The following CHCHD10 variants were observed in gnomAD, a reference collection of about 807,000 sequenced individuals.
CHCHD10 encodes the protein coiled-coil-helix-coiled-coil-helix domain-containing protein 10, mitochondrial.
A neutral mutation model predicts 14.8 loss-of-function variants in CHCHD10; 10 were observed. The ratio of observed to expected loss-of-function variants is 0.67; its 90% CI spans 0.42 to 1.14. The LOEUF (loss-of-function observed/expected upper bound fraction) is 1.14, where lower values mean the gene tolerates loss of function less well. Among genes scored for constraint, CHCHD10 ranks in the 50% most tolerant of loss-of-function variants. CHCHD10 has a pLI of 0.00. For synonymous variants in CHCHD10, 90 were observed against 85.2 expected (o/e 1.06, Z -0.31); for missense variants, 203 against 196.9 (o/e 1.03, Z -0.19).
rs903114461 is a variant in CHCHD10 at position 23,767,951 on chromosome 22, T to A, written c.-77A>T. ...TCGCGGGGACAAATGCCGCAGCGCT[T>A]GTCACAGCCGGCGCAAAAAAGGCGG... is the stretch of plus-strand genomic sequence containing the variant. On this transcript the variant is annotated 5_prime_UTR_variant, in exon 1 of 4. Transcript: ENST00000484558. The A allele has an allele frequency of 6.4e-6, 8 of 1,258,666 alleles. No individual in the cohort carries two copies. The highest frequency in any genetic ancestry group is 1.8e-5 in the South Asian group (1 of 56,750). The allele number at this position is 1,258,666 out of a possible 1,614,324, so 78.0% of individuals were successfully genotyped here. A position where few individuals can be genotyped will look rare whatever the true frequency, so the allele number is the denominator to read the frequency against.
At chr22:23,766,090 C>T (rs907869801) in intron 3 of CHCHD10, 38 bp downstream of exon 3, 1 of 1,613,106 alleles carries the variant, frequency 6.2e-7, no homozygotes, top group Non-Finnish European at 8.5e-7. Context: ...GGGTTGGCCT[C>T]TCCCCCTCCC....
intron 1 of CHCHD10, 117 bp downstream of exon 1, chr22:23,767,717 C>T: frequency 1.9e-6 from 2 of 1,028,512 alleles, no homozygotes; most frequent in Non-Finnish European, 2.8e-6. Context: ...GCTGCACCCC[C>T]ACCCCTCCCC....
intron 2 of CHCHD10, among the ~76,000 whole-genome samples, 193 bp downstream of exon 2, chr22:23,767,181 C>G (rs978854190): frequency 6.6e-6 from 1 of 152,184 alleles, no homozygotes; most frequent in Non-Finnish European, 1.5e-5. Context: ...ACCCTGGCCT[C>G]AAGGGAGAGG....
intron 2 of CHCHD10, among the ~76,000 whole-genome samples, 162 bp downstream of exon 2, chr22:23,767,195 GGAAGCCTGCCTCTAAGT>G (rs1419343202): frequency 6.6e-6 from 1 of 152,202 alleles, no homozygotes; most frequent in Non-Finnish European, 1.5e-5. Flanking sequence ...GGAGAGGCCG[GGAAGCCTGCCTCTAAGT>G]GACAGTGAAC....
chr22:23,766,453 T>A, intron 2 of CHCHD10, 178 bp from the exon 3 acceptor site: 1 of 41,952 alleles, frequency 2.4e-5, no homozygotes, highest in Non-Finnish European at 5.8e-5. Flanking sequence ...TCTGCTGCCT[T>A]TTTTTTTTTT....
In CHCHD10 at chr22:23,765,956, C is replaced by A; in HGVS notation, c.*51G>T. 6.2e-7 allele frequency: 1 copy of A among 1,612,352 alleles called. No individual in the cohort carries two copies. Among genetic ancestry groups the A allele is most frequent in the South Asian group, 1.1e-5 (1 of 90,936 alleles). Reference sequence around the variant, plus strand: ...TCTGGTGTTGTGGTCTGGCTGTCGGCGAGGGGTAGAGGTGGGTGCAGGACT... The same window carrying A: ...TCTGGTGTTGTGGTCTGGCTGTCGGAGAGGGGTAGAGGTGGGTGCAGGACT... On this transcript the variant is annotated 3_prime_UTR_variant, in exon 4 of 4. Coordinates refer to ENST00000484558, the MANE Select transcript of CHCHD10 (RefSeq NM_213720.3).
intron 2 of CHCHD10, among the ~76,000 whole-genome samples, chr22:23,766,838 C>T (rs1926869184): frequency 6.6e-6 from 1 of 152,202 alleles, no homozygotes; most frequent in African/African-American, 2.4e-5. Flanking sequence ...CCTGTACTCT[C>T]AGAGTATGAG....
In CHCHD10 at chr22:23,767,718, A is replaced by G. The variant is rs558021937; in HGVS notation, c.41+116T>C. On this transcript the variant is annotated intron_variant, in intron 1 of 3. Transcript: ENST00000484558. ...CTCCACACGTGGGTGCTGCACCCCC[A>G]CCCCTCCCCCCGCCAAGATGGCGCA... 2.8e-5 allele frequency: 28 copies of G among 1,003,218 alleles called. No individual in the cohort carries two copies. The South Asian group carries it at 4.1e-4, about 15-fold the overall frequency. 62.1% of individuals were successfully genotyped at this position (1,003,218 alleles called of 1,614,324 possible). A position where few individuals can be genotyped will look rare whatever the true frequency, so the allele number is the denominator to read the frequency against.
At position 23,767,598 on chromosome 22, in the gene CHCHD10, G is replaced by C. The variant is rs868345557; in HGVS notation, c.42-5C>G. The C allele has an allele frequency of 6.1e-6, 7 of 1,154,092 alleles. No homozygotes were observed. In the Admixed American group the frequency reaches 2.0e-4, roughly 33 times the overall value. The allele number at this position is 1,154,092 out of a possible 1,614,324, so 71.5% of individuals were successfully genotyped here. A position where few individuals can be genotyped will look rare whatever the true frequency, so the allele number is the denominator to read the frequency against. On this transcript the variant is annotated splice_region_variant and splice_polypyrimidine_tract_variant and intron_variant, in intron 1 of 3. Transcript: ENST00000484558. ...GCAGAGGGCGCGGCTGGGCGGCTGC[G>C]GGGGTGGGAGGAAGCAGGGTTAATC...
rs1569149089 is a variant in CHCHD10, at chr22:23,765,983, GC to G, written c.*23del. ...AGGGGTAGAGGTGGGTGCAGGACTGGCCCCCGAGTCTGCACCGACCTCTTCA... is the reference window on the plus strand; with the variant it reads ...AGGGGTAGAGGTGGGTGCAGGACTGGCCCCGAGTCTGCACCGACCTCTTCA... On this transcript the variant is annotated 3_prime_UTR_variant, in exon 4 of 4. Transcript: ENST00000484558. 6.2e-7 allele frequency: 1 copy of G among 1,613,038 alleles called. No homozygotes were observed. The highest frequency in any genetic ancestry group is 8.5e-7 in the Non-Finnish European group (1 of 1,179,808).
chr22:23,767,912 C>A lies in CHCHD10; in HGVS notation c.-38G>T. 6.9e-7 allele frequency: 1 copy of A among 1,458,748 alleles called. No individual in the cohort carries two copies. Among genetic ancestry groups the A allele is most frequent in the Non-Finnish European group, 9.1e-7 (1 of 1,101,142 alleles). 90.4% of individuals were successfully genotyped at this position (1,458,748 alleles called of 1,614,324 possible). On this transcript the variant is annotated 5_prime_UTR_variant, in exon 1 of 4. Transcript: ENST00000484558. ...GGGACCCGGGCGACCTTAGAGACGGCGGCAGCGGTGCTGTCGCGGGGACAA... is the reference window on the plus strand; with the variant it reads ...GGGACCCGGGCGACCTTAGAGACGGAGGCAGCGGTGCTGTCGCGGGGACAA...
chr22:23,767,957 A>T lies in CHCHD10; in HGVS notation c.-83T>A, dbSNP rs146705072. The T allele has an allele frequency of 1.2e-5, 15 of 1,228,430 alleles. No homozygotes were observed. The highest frequency in any genetic ancestry group is 2.3e-4 in the Middle Eastern group (1 of 4,340). The allele number at this position is 1,228,430 out of a possible 1,614,324, so 76.1% of individuals were successfully genotyped here. On this transcript the variant is annotated 5_prime_UTR_variant, in exon 1 of 4. Transcript: ENST00000484558. ...GGACAAATGCCGCAGCGCTTGTCAC[A>T]GCCGGCGCAAAAAAGGCGGGGCCCC...
chr22:23,766,014 A>G lies in CHCHD10; in HGVS notation c.422T>C (p.Leu141Pro). The G allele has an allele frequency of 6.2e-7, 1 of 1,613,734 alleles. No homozygotes were observed. The highest frequency in any genetic ancestry group is 8.5e-7 in the Non-Finnish European group (1 of 1,179,862). Residue 141 changes from leucine (L) to proline (P), a missense_variant, in exon 4 of 4, where the codon CTG becomes CCG. Physicochemically the swap from Leu to Pro is moderately conservative, Grantham distance 98 (BLOSUM62 -3). Coordinates refer to ENST00000484558, the MANE Select transcript of CHCHD10 (RefSeq NM_213720.3). ...GAGTCTGCACCGACCTCTTCAGGGC[A>G]GGGAGCTCAGACCTGGGAAGGGAGG... ...QCKYYHGLSS[L>P]P
chr22:23,767,901 C>G lies in CHCHD10; in HGVS notation c.-27G>C, dbSNP rs780818006. ...GTGGCGGCGGTGGGACCCGGGCGAC[C>G]TTAGAGACGGCGGCAGCGGTGCTGT... On this transcript the variant is annotated 5_prime_UTR_variant, in exon 1 of 4. Coordinates refer to ENST00000484558, the MANE Select transcript of CHCHD10 (RefSeq NM_213720.3). 88 of 1,485,612 alleles carry G rather than the reference C, an allele frequency of 5.9e-5. No individual in the cohort carries two copies. The South Asian group carries it at 9.0e-4, about 15-fold the overall frequency. 92.0% of individuals were successfully genotyped at this position (1,485,612 alleles called of 1,614,324 possible). A position where few individuals can be genotyped will look rare whatever the true frequency, so the allele number is the denominator to read the frequency against.
chr22:23,766,975 G>C (rs1242670452), intron 2 of CHCHD10, among the ~76,000 whole-genome samples: 1 of 152,252 alleles, frequency 6.6e-6, no homozygotes, highest in Non-Finnish European at 1.5e-5. Context: ...GGTCATCAGG[G>C]AAGTGGCTCC....
At chr22:23,767,335 G>A (rs766034799) in intron 2 of CHCHD10, 39 bp downstream of exon 2, 12 of 1,556,664 alleles carry the variant, frequency 7.7e-6, no homozygotes, top group East Asian at 2.3e-5. Context: ...GTGGCCTCGA[G>A]ATAATCCTGC....
Position 23,765,837 on chromosome 22 carries a change from G to A in CHCHD10, c.*170C>T, listed in dbSNP as rs1926721714. ...TCGAGAGAGGCACACAACAGGCTGTGGTCTAAAATAAACTTTTAATTGCAC... is the reference window on the plus strand; with the variant it reads ...TCGAGAGAGGCACACAACAGGCTGTAGTCTAAAATAAACTTTTAATTGCAC... On this transcript the variant is annotated 3_prime_UTR_variant, in exon 4 of 4. Coordinates refer to ENST00000484558, the MANE Select transcript of CHCHD10 (RefSeq NM_213720.3). 2 of 1,529,256 alleles carry A rather than the reference G, an allele frequency of 1.3e-6. No homozygotes were observed. Among genetic ancestry groups the A allele is most frequent in the African/African-American group, 1.4e-5 (1 of 72,690 alleles). The allele number at this position is 1,529,256 out of a possible 1,614,324, so 94.7% of individuals were successfully genotyped here. A position where few individuals can be genotyped will look rare whatever the true frequency, so the allele number is the denominator to read the frequency against.
rs1230857382 is a variant in CHCHD10, at chr22:23,767,457, C to CCGAG, written c.174_177dup (p.Ala60LeufsTer60). The CCGAG allele has an allele frequency of 6.2e-7, 1 of 1,601,030 alleles. No individual in the cohort carries two copies. Among genetic ancestry groups the CCGAG allele is most frequent in the African/African-American group, 1.3e-5 (1 of 74,466 alleles). ...GCGCTGCCCATGACGTGTCCCACAG[C>CCGAG]CGAGCCCACGGCTACCCCTGCGGCC... On this transcript the variant is annotated frameshift_variant, in exon 2 of 4. Transcript: ENST00000484558. LOFTEE classifies it high-confidence loss of function.
chr22:23,767,619 T>G (rs970975150), intron 1 of CHCHD10, 26 bp from the exon 2 acceptor site: 16 of 1,019,226 alleles, frequency 1.6e-5, no homozygotes, highest in Non-Finnish European at 2.1e-5. Flanking sequence ...GAAGCAGGGT[T>G]AATCCTGGCC....
Sources: gnomAD v4.1 joint callset for allele counts (sites outside exome capture counted in the v4.1 genomes callset) on GRCh38, gnomAD v4.1.1 for gene constraint, MANE v1.5 for transcripts, NCBI Gene and HGNC (gene_info 2026-07-23, HGNC 2026-07-21) for gene names.